PDE7B: variants seen among roughly 807,000 people sequenced by gnomAD.
PDE7B encodes phosphodiesterase 7B.
In PDE7B, 29 loss-of-function variants were observed where a neutral mutation model predicts 56.2. The observed-to-expected ratio is 0.52, with a 90% CI of 0.38 to 0.70. The LOEUF (loss-of-function observed/expected upper bound fraction) is 0.70, where lower values mean the gene tolerates loss of function less well. Ranked by LOEUF, PDE7B falls within the 30% of genes least tolerant of loss-of-function variation. The pLI is 0.00. For missense variants in PDE7B, 490 were observed against 565.0 expected (o/e 0.87, Z 1.35); for synonymous variants, 197 against 196.9 (o/e 1.00, Z 0.00).
chr6:136,075,980 A>C (rs766454927), intron 2 of PDE7B, among the ~76,000 whole-genome samples: 17 of 152,236 alleles, frequency 1.1e-4, no homozygotes, highest in Non-Finnish European at 2.4e-4. Flanking sequence ...TAGGTTGAAT[A>C]TACCTGCTTA....
At position 136,191,659 on chromosome 6, in the gene PDE7B, A is replaced by G. The variant is rs1779227017; in HGVS notation, c.1172A>G (p.His391Arg). 7 of 1,613,986 alleles carry G rather than the reference A, an allele frequency of 4.3e-6. No individual in the cohort carries two copies. The highest frequency in any genetic ancestry group is 2.2e-5 in the East Asian group (1 of 44,874). ...GAGCCGCTCTTCCGGGAATGGGCCC[A>G]TTTCACGGGTAACAGCACCCTGTCG... ...IVEPLFREWA[H>R]FTGNSTLSEN... Residue 391 changes from histidine to arginine, a missense_variant, in exon 13 of 13, where the codon CAT becomes CGT. Coordinates refer to ENST00000308191, the MANE Select transcript of PDE7B (RefSeq NM_018945.4).
intron 2 of PDE7B, among the ~76,000 whole-genome samples, chr6:136,003,967 A>G (rs1775724002): frequency 1.3e-5 from 2 of 152,112 alleles, no homozygotes; most frequent in Admixed American, 1.3e-4. Flanking sequence ...AATACTGGCA[A>G]ACCGAATCCA....
chr6:136,191,037 T>TAA (rs1554286150), intron 12 of PDE7B, among the ~76,000 whole-genome samples: 2 of 143,168 alleles, frequency 1.4e-5, no homozygotes, highest in African/African-American at 5.7e-5. Flanking sequence ...TTTTTTTTTT[T>TAA]ACTTATATGT....
intron 2 of PDE7B, among the ~76,000 whole-genome samples, chr6:136,062,060 T>C (rs1208311155): frequency 6.6e-6 from 1 of 152,206 alleles, no homozygotes; most frequent in Non-Finnish European, 1.5e-5. Context: ...CAAAGCTCTG[T>C]GGGATCGCCA....
intron 2 of PDE7B, among the ~76,000 whole-genome samples, chr6:136,065,502 T>C (rs529360734): frequency 2.2e-4 from 34 of 152,306 alleles, no homozygotes; most frequent in South Asian, 4.2e-4. Context: ...AAGCATCTAA[T>C]TGAATCCCAG....
intron 2 of PDE7B, among the ~76,000 whole-genome samples, chr6:136,060,315 T>C (rs1776815272): frequency 6.6e-6 from 1 of 152,180 alleles, no homozygotes; most frequent in African/African-American, 2.4e-5. Flanking sequence ...TTTCCTCTCC[T>C]TGTACTTTCT....
intron 1 of PDE7B, among the ~76,000 whole-genome samples, chr6:135,901,965 G>C (rs1174449452): frequency 6.6e-6 from 1 of 152,078 alleles, no homozygotes; most frequent in Non-Finnish European, 1.5e-5. Flanking sequence ...GAATCTCTAA[G>C]TTTCAGCTTC....
intron 1 of PDE7B, among the ~76,000 whole-genome samples, chr6:135,928,088 C>A (rs1774220633): frequency 1.3e-5 from 2 of 151,858 alleles, no homozygotes; most frequent in Admixed American, 6.6e-5. Flanking sequence ...CCATGAGATA[C>A]CATCTCACAC....
At chr6:136,098,933 A>AC (rs34963834) in intron 2 of PDE7B, among the ~76,000 whole-genome samples, 1 of 50,012 alleles carries the variant, frequency 2.0e-5, no homozygotes, top group Non-Finnish European at 4.2e-5. Flanking sequence ...CCAGCCCCCC[A>AC]CCCCCCAACA....
intron 2 of PDE7B, among the ~76,000 whole-genome samples, chr6:135,978,221 G>C (rs1014031018): frequency 6.6e-6 from 1 of 152,138 alleles, no homozygotes; most frequent in African/African-American, 2.4e-5. Flanking sequence ...GAATACTGTA[G>C]GCAATTGTAA....
chr6:136,128,869 C>T (rs1398303580), intron 3 of PDE7B, among the ~76,000 whole-genome samples: 1 of 152,118 alleles, frequency 6.6e-6, no homozygotes, highest in Non-Finnish European at 1.5e-5. Flanking sequence ...TCTCTCTGTC[C>T]CTTTGTCCCA....
At chr6:135,961,150 T>C (rs1774891635) in intron 2 of PDE7B, among the ~76,000 whole-genome samples, 1 of 152,200 alleles carries the variant, frequency 6.6e-6, no homozygotes, top group African/African-American at 2.4e-5. Context: ...ACCACTATAG[T>C]GTCTAAATAT....
At chr6:136,079,704 C>A (rs1777175862) in intron 2 of PDE7B, among the ~76,000 whole-genome samples, 1 of 145,804 alleles carries the variant, frequency 6.9e-6, no homozygotes, top group South Asian at 2.2e-4. Context: ...ACTGAAGAGA[C>A]CAGCCATTTG....
chr6:136,057,851 C>T (rs537180521), intron 2 of PDE7B, among the ~76,000 whole-genome samples: 2 of 152,264 alleles, frequency 1.3e-5, no homozygotes, highest in Admixed American at 1.3e-4. Flanking sequence ...ATTCTCCTGC[C>T]TCAGCCTCCC....
At chr6:135,864,997 G>A (rs1218745353) in intron 1 of PDE7B, among the ~76,000 whole-genome samples, 1 of 137,108 alleles carries the variant, frequency 7.3e-6, no homozygotes, top group Non-Finnish European at 1.5e-5. Context: ...GCATCCAAGT[G>A]TTCTCATTGT....
chr6:136,082,887 G>T (rs577650327), intron 2 of PDE7B, among the ~76,000 whole-genome samples: 1 of 152,260 alleles, frequency 6.6e-6, no homozygotes, highest in East Asian at 1.9e-4. Flanking sequence ...GATGTGAGAC[G>T]AGAAAAAAAT....
chr6:135,882,472 C>G (rs764002592), intron 1 of PDE7B, among the ~76,000 whole-genome samples: 38 of 152,108 alleles, frequency 2.5e-4, no homozygotes, highest in Non-Finnish European at 4.1e-4. Context: ...TTTGAACATT[C>G]TCACTTTCTC....
At chr6:135,962,119 T>G (rs1163379377) in intron 2 of PDE7B, among the ~76,000 whole-genome samples, 1 of 152,158 alleles carries the variant, frequency 6.6e-6, no homozygotes, top group East Asian at 1.9e-4. Flanking sequence ...TGCTTTACCT[T>G]CCTCTCAATT....
intron 12 of PDE7B, among the ~76,000 whole-genome samples, chr6:136,188,581 G>GC (rs762128744): frequency 6.6e-6 from 1 of 152,098 alleles, no homozygotes; most frequent in Non-Finnish European, 1.5e-5. Flanking sequence ...AATTTACCAG[G>GC]CAACTGTCAA....
Sources: gnomAD v4.1 joint callset for allele counts (sites outside exome capture counted in the v4.1 genomes callset) on GRCh38, gnomAD v4.1.1 for gene constraint, MANE v1.5 for transcripts, NCBI Gene and HGNC (gene_info 2026-07-23, HGNC 2026-07-21) for gene names.